CELF2: variants seen among roughly 807,000 people sequenced by gnomAD.
CELF2 encodes the protein CUGBP Elav-like family member 2.
CELF2 carries 8 observed loss-of-function variants against 62.6 expected under a neutral mutation model. That is an observed-to-expected ratio of 0.13 (90% CI 0.07 to 0.23). The LOEUF (loss-of-function observed/expected upper bound fraction) is 0.23, where lower values mean the gene tolerates loss of function less well. CELF2 is among the 10% of genes least tolerant of loss of function. The pLI is 1.00. For synonymous variants in CELF2, 258 were observed against 250.0 expected (o/e 1.03, Z -0.30); for missense variants, 333 against 671.0 (o/e 0.50, Z 5.56).
At chr10:11,106,276 G>C (rs574359863) in intron 1 of CELF2, among the ~76,000 whole-genome samples, 1 of 146,924 alleles carries the variant, frequency 6.8e-6, no homozygotes, top group Non-Finnish European at 1.5e-5. Flanking sequence ...GCTCTGTCAC[G>C]TAGGCTGAAC....
intron 1 of CELF2, among the ~76,000 whole-genome samples, chr10:11,019,476 A>G (rs1041506310): frequency 2.0e-5 from 3 of 152,072 alleles, no homozygotes; most frequent in Non-Finnish European, 4.4e-5. Context: ...TTCCCTGGCA[A>G]CTAACTTTCC....
chr10:10,991,162 C>G (rs2053395427), intron 2 of CELF2, among the ~76,000 whole-genome samples: 1 of 152,132 alleles, frequency 6.6e-6, no homozygotes, highest in African/African-American at 2.4e-5. Flanking sequence ...AATACAGACT[C>G]TCTCTTTGTT....
chr10:10,961,784 T>G (rs553033220), intron 2 of CELF2, among the ~76,000 whole-genome samples: 1 of 152,202 alleles, frequency 6.6e-6, no homozygotes, highest in South Asian at 2.1e-4. Context: ...AAAGAAAGTT[T>G]GAAATCTTTC....
chr10:10,741,729 G>C, the CELF2 span, among the ~76,000 whole-genome samples: 1 of 152,048 alleles, frequency 6.6e-6, no homozygotes, highest in African/African-American at 2.4e-5. Context: ...ACTTGGTTAA[G>C]GCCTTGTCCA....
chr10:10,860,749 C>T (rs867065730), intron 1 of CELF2, among the ~76,000 whole-genome samples: 11 of 152,162 alleles, frequency 7.2e-5, no homozygotes, highest in Non-Finnish European at 1.3e-4. Context: ...AAGGAAGTGA[C>T]GTACAGAGAC....
At chr10:10,930,479 A>T (rs1388515087) in intron 2 of CELF2, among the ~76,000 whole-genome samples, 1 of 152,218 alleles carries the variant, frequency 6.6e-6, no homozygotes, top group Non-Finnish European at 1.5e-5. Flanking sequence ...AAGCACATTT[A>T]TCCCAATTTG....
At chr10:11,035,147 G>A (rs530357657) in intron 1 of CELF2, among the ~76,000 whole-genome samples, 32 of 152,098 alleles carry the variant, frequency 2.1e-4, no homozygotes, top group Non-Finnish European at 3.8e-4. Flanking sequence ...AAGTCTCTGC[G>A]TGGGATTAAC....
chr10:10,548,951 G>T, the CELF2 span, among the ~76,000 whole-genome samples: 3 of 152,160 alleles, frequency 2.0e-5, no homozygotes, highest in Non-Finnish European at 2.9e-5. Flanking sequence ...TGTACTGAGG[G>T]TTAATAGTGG....
the CELF2 span, among the ~76,000 whole-genome samples, chr10:10,680,030 T>C: frequency 6.6e-6 from 1 of 152,166 alleles, no homozygotes; most frequent in Non-Finnish European, 1.5e-5. Flanking sequence ...TAATGATACG[T>C]TAATACTCAT....
At chr10:11,001,424 T>C (rs544915154), upstream of CELF2, among the ~76,000 whole-genome samples, 1 of 152,256 alleles carries the variant, frequency 6.6e-6, no homozygotes, top group Non-Finnish European at 1.5e-5. Flanking sequence ...ACTTTTGCAA[T>C]GTAAATGCCA....
the CELF2 span, among the ~76,000 whole-genome samples, chr10:10,511,885 G>A: frequency 6.6e-6 from 1 of 152,152 alleles, no homozygotes; most frequent in African/African-American, 2.4e-5. Flanking sequence ...TGCACTCATA[G>A]TCCCCCTTTT....
intron 1 of CELF2, among the ~76,000 whole-genome samples, chr10:11,152,923 C>T (rs2063606975): frequency 6.6e-6 from 1 of 152,226 alleles, no homozygotes; most frequent in South Asian, 2.1e-4. Context: ...ATCCAGGTAC[C>T]ATGAGCTTGG....
chr10:11,017,828 C>G (rs1037244314), upstream of CELF2: 6 of 453,616 alleles, frequency 1.3e-5, no homozygotes, highest in African/African-American at 4.3e-5. This position sits in a 1 kb window ranked among gnomAD's most constrained non-coding sequence, Gnocchi z 5.5. Context: ...TCTGGGCCGG[C>G]GGGCCCGCAG....
At chr10:10,889,783 A>T (rs2062004803) in intron 1 of CELF2, among the ~76,000 whole-genome samples, 1 of 152,200 alleles carries the variant, frequency 6.6e-6, no homozygotes, top group South Asian at 2.1e-4. Context: ...AGCATAACAC[A>T]AGAGTATTGC....
chr10:10,673,582 A>G, the CELF2 span, among the ~76,000 whole-genome samples: 2 of 151,914 alleles, frequency 1.3e-5, no homozygotes. Flanking sequence ...CTTACTTTGG[A>G]TTTAATTTCC....
At chr10:10,726,622 C>T in the CELF2 span, among the ~76,000 whole-genome samples, 1 of 152,132 alleles carries the variant, frequency 6.6e-6, no homozygotes, top group African/African-American at 2.4e-5. Context: ...AATGTGTTTG[C>T]TCCATTTGGT....
chr10:10,979,991 G>A (rs1158064896), intron 2 of CELF2, among the ~76,000 whole-genome samples: 3 of 152,212 alleles, frequency 2.0e-5, no homozygotes, highest in African/African-American at 4.8e-5. Flanking sequence ...GACAGTGCTT[G>A]TAGAAGCAAA....
At chr10:11,119,438 A>G (rs777913020) in intron 1 of CELF2, among the ~76,000 whole-genome samples, 25 of 152,188 alleles carry the variant, frequency 1.6e-4, no homozygotes, top group Non-Finnish European at 2.8e-4. Context: ...ACTTTAAACA[A>G]GATTTTAAAC....
rs1413400600 is a variant in CELF2 at position 10,957,096 on chromosome 10, G to GA, written c.89+37098dup. Among the ~76,000 whole-genome samples, 2 of 152,070 alleles carry GA rather than the reference G, an allele frequency of 1.3e-5. No homozygotes were observed. The highest frequency in any genetic ancestry group is 2.4e-5 in the African/African-American group (1 of 41,394). The stretch of plus-strand genomic sequence containing the variant: ...ATCAAGTGTAGACTCTTGCACAAGG[G>GA]AGCTCTGGAAGTATTTAGAGGCAGC... On this transcript the variant is annotated intron_variant, in intron 2 of 13. Transcript: ENST00000636488. The surrounding 1 kb of genome is among the most constrained non-coding windows in gnomAD (Gnocchi z 4.1).
Sources: gnomAD v4.1 joint callset for allele counts (sites outside exome capture counted in the v4.1 genomes callset) on GRCh38, gnomAD v4.1.1 for gene constraint, Gnocchi (gnomAD v3.1) non-coding constraint, MANE v1.5 for transcripts, NCBI Gene and HGNC (gene_info 2026-07-23, HGNC 2026-07-21) for gene names.